The following SEC14L1 variants were observed in gnomAD, a reference collection of about 807,000 sequenced individuals.
SEC14L1 encodes SEC14-like protein 1.
SEC14L1 carries 48 observed loss-of-function variants against 85.3 expected under a neutral mutation model. The ratio of observed to expected loss-of-function variants is 0.56; its 90% confidence interval spans 0.45 to 0.72. The LOEUF (loss-of-function observed/expected upper bound fraction) is 0.72. Ranked by LOEUF, SEC14L1 falls within the 30% of genes least tolerant of loss-of-function variation. The pLI is 0.00. For synonymous variants in SEC14L1, 391 were observed against 355.5 expected (o/e 1.10, Z -1.12); for missense variants, 682 against 921.4 (o/e 0.74, Z 3.36).
chr17:77,103,891 C>T (rs958762675), intron 3 of SEC14L1, among the ~76,000 whole-genome samples: 3 of 151,078 alleles, frequency 2.0e-5, no homozygotes, highest in African/African-American at 4.9e-5. Context: ...GGGCGGGGTC[C>T]CAGTGCCACC....
At chr17:77,091,679 T>C (rs1051848464) in intron 2 of SEC14L1, among the ~76,000 whole-genome samples, 7 of 152,046 alleles carry the variant, frequency 4.6e-5, no homozygotes, top group Admixed American at 2.0e-4. Context: ...TTTCCGGGAG[T>C]CGTGGCACAC....
At chr17:77,196,418 G>T in intron 8 of SEC14L1, 107 bp downstream of exon 8, 1 of 667,474 alleles carries the variant, frequency 1.5e-6, no homozygotes, top group Non-Finnish European at 2.6e-6. Context: ...TCCACGGCTG[G>T]GAATGTTTCT....
At chr17:77,198,660 C>T (rs1287758811) in intron 8 of SEC14L1, among the ~76,000 whole-genome samples, 10 of 150,934 alleles carry the variant, frequency 6.6e-5, no homozygotes, top group Non-Finnish European at 1.0e-4. Flanking sequence ...CTGCAAGATC[C>T]GCCTCCTGGG....
At chr17:77,129,376 G>A (rs1972547351) in intron 3 of SEC14L1, among the ~76,000 whole-genome samples, 1 of 152,086 alleles carries the variant, frequency 6.6e-6, no homozygotes, top group Non-Finnish European at 1.5e-5. Flanking sequence ...CACAGGTCCT[G>A]CCAACGTGGG....
Position 77,214,110 on chromosome 17 carries a change from T to C in SEC14L1, c.*87T>C. Reference sequence around the variant, plus strand: ...GCACCCGCCCACCCAGCGGCGACATTGTACAGACTCCTCTCACCTCTAGAT... The same window carrying C: ...GCACCCGCCCACCCAGCGGCGACATCGTACAGACTCCTCTCACCTCTAGAT... On this transcript the variant is annotated 3_prime_UTR_variant, in exon 17 of 17. Transcript: ENST00000436233. The C allele has an allele frequency of 6.5e-7, 1 of 1,536,912 alleles. No individual in the cohort carries two copies. Among genetic ancestry groups the C allele is most frequent in the Non-Finnish European group, 8.7e-7 (1 of 1,143,326 alleles).
Position 77,181,369 on chromosome 17 carries a change from A to G in SEC14L1, c.64-9434A>G, listed in dbSNP as rs182617108. ...TAATACAGTCCAGTTGGTATTAATC[A>G]CCTTCTTTCTCAGTCTTCTTTTCTA... On this transcript the variant is annotated intron_variant, in intron 3 of 16. Transcript: ENST00000436233. Among the ~76,000 whole-genome samples the G allele has an allele frequency of 1.0e-3, 152 of 152,266 alleles. 1 individual carries two copies. Among genetic ancestry groups the G allele is most frequent in the Admixed American group, 9.9e-3 (152 of 15,298 alleles).
At chr17:77,191,470 G>A (rs1362421656) in intron 5 of SEC14L1, among the ~76,000 whole-genome samples, 158 bp downstream of exon 5, 1 of 152,140 alleles carries the variant, frequency 6.6e-6, no homozygotes, top group Admixed American at 6.5e-5. Context: ...AGGGTAGCAG[G>A]TGTGGTCTCC....
chr17:77,148,863 C>G (rs1298091477), intron 3 of SEC14L1, among the ~76,000 whole-genome samples: 1 of 152,254 alleles, frequency 6.6e-6, no homozygotes, highest in African/African-American at 2.4e-5. Context: ...CTTTTTTCGG[C>G]AAGGCCATTT....
chr17:77,196,589 A>G (rs1324347690), intron 8 of SEC14L1, among the ~76,000 whole-genome samples: 2 of 152,236 alleles, frequency 1.3e-5, no homozygotes, highest in Non-Finnish European at 2.9e-5. Flanking sequence ...GTATTCACAC[A>G]TTCAAATTTT....
At chr17:77,111,998 A>G (rs1402054248) in intron 3 of SEC14L1, among the ~76,000 whole-genome samples, 2 of 152,152 alleles carry the variant, frequency 1.3e-5, no homozygotes, top group Non-Finnish European at 2.9e-5. Context: ...TAGTTTCCAT[A>G]ATTCCCAAGT....
chr17:77,158,193 C>T (rs1156927421), intron 3 of SEC14L1, among the ~76,000 whole-genome samples: 2 of 152,218 alleles, frequency 1.3e-5, no homozygotes, highest in Non-Finnish European at 2.9e-5. Context: ...CGGCCTGTAA[C>T]CACTTTTAAG....
intron 3 of SEC14L1, among the ~76,000 whole-genome samples, chr17:77,178,825 G>C (rs551859741): frequency 6.6e-6 from 1 of 152,204 alleles, no homozygotes; most frequent in Admixed American, 6.5e-5. Flanking sequence ...TCTCAGCAGC[G>C]CACGGACCGG....
chr17:77,211,978 C>T lies in SEC14L1; in HGVS notation c.1640C>T (p.Ser547Leu). The T allele has an allele frequency of 6.2e-7, 1 of 1,614,140 alleles. No homozygotes were observed. Among genetic ancestry groups the T allele is most frequent in the Non-Finnish European group, 8.5e-7 (1 of 1,180,032 alleles). ...CTCATTCAGATTGTGGATGCCTCGT[C>T]AGTCATCACTTGGGATTTCGACGTG... The part of the protein sequence containing the change: ...EILIQIVDAS[S>L]VITWDFDVCK... Residue 547 changes from serine (S) to leucine (L), a missense_variant, in exon 15 of 17, where the codon TCA becomes TTA. Around this residue, in one of 3 missense-constraint regions of SEC14L1, gnomAD observed 420 missense variants for 619.5 expected, o/e 0.68. Transcript: ENST00000436233.
intron 7 of SEC14L1, among the ~76,000 whole-genome samples, chr17:77,195,837 C>CT (rs558966326): frequency 0.015 from 2,234 of 148,834 alleles, 49 homozygotes; most frequent in Admixed American, 0.043. Flanking sequence ...ATTTGCTTGG[C>CT]TTTTTTTTTT....
intron 3 of SEC14L1, among the ~76,000 whole-genome samples, chr17:77,186,553 C>T (rs774778138): frequency 4.6e-5 from 7 of 152,212 alleles, no homozygotes; most frequent in Non-Finnish European, 7.3e-5. Context: ...GTCCCTTGTG[C>T]GTAGGCAGCT....
chr17:77,095,378 G>A (rs1971617569), intron 3 of SEC14L1, among the ~76,000 whole-genome samples: 1 of 152,188 alleles, frequency 6.6e-6, no homozygotes, highest in East Asian at 1.9e-4. Flanking sequence ...TCCCAAGGCA[G>A]TGACAGAAGC....
Position 77,203,431 on chromosome 17 carries a change from G to A in SEC14L1, c.1010-139G>A, listed in dbSNP as rs74853769. The A allele has an allele frequency of 2.9e-4, 197 of 685,858 alleles. 2 individuals are homozygous for A. The East Asian group carries it at 5.4e-3, about 19-fold the overall frequency. The allele number at this position is 685,858 out of a possible 1,614,324, so 42.5% of individuals were successfully genotyped here. A position where few individuals can be genotyped will look rare whatever the true frequency, so the allele number is the denominator to read the frequency against. On this transcript the variant is annotated intron_variant, in intron 9 of 16. Coordinates refer to ENST00000436233, the MANE Select transcript of SEC14L1 (RefSeq NM_001143998.2). ...ACACCCCCTATCACACAAATCAGTT[G>A]CCACTTCTAAGAATCAGAAAGACTT...
chr17:77,104,368 G>A (rs1302967143), intron 3 of SEC14L1, among the ~76,000 whole-genome samples: 1 of 146,214 alleles, frequency 6.8e-6, no homozygotes, highest in Non-Finnish European at 1.5e-5. Flanking sequence ...TGATCCACCC[G>A]CCTCAGCCTC....
At chr17:77,208,995 T>C (rs1976604171) in intron 13 of SEC14L1, among the ~76,000 whole-genome samples, 1 of 124,320 alleles carries the variant, frequency 8.0e-6, no homozygotes, top group Admixed American at 7.6e-5. Context: ...CAAAACTCTT[T>C]TCTTAAAGTA....
Sources: allele counts gnomAD v4.1 joint callset (sites outside exome capture counted in the v4.1 genomes callset), GRCh38; gene constraint gnomAD v4.1.1; regional missense constraint gnomAD v4.1.1; transcripts MANE v1.5; gene names NCBI Gene and HGNC (gene_info 2026-07-23, HGNC 2026-07-21).